Variants in ETFRF1 observed in about 807,000 individuals in gnomAD.
ETFRF1 encodes LYR motif containing 5.
ETFRF1 carries 12 observed loss-of-function variants against 9.0 expected under a neutral mutation model. The ratio of observed to expected loss-of-function variants is 1.34; its 90% CI spans 0.86 to 2.16. ETFRF1 has a LOEUF of 2.16. Among genes scored for constraint, ETFRF1 ranks in the 30% most tolerant of loss-of-function variants. The pLI, the probability that ETFRF1 is intolerant of heterozygous loss-of-function variation, is 0.00. For missense variants in ETFRF1, 98 were observed against 101.8 expected, an observed-to-expected ratio of 0.96 and a Z score of 0.16; for synonymous variants, 34 against 33.2, an observed-to-expected ratio of 1.02 and a Z score of -0.08.
chr12:25,195,436 G>C, intron 1 of ETFRF1, 99 bp downstream of exon 1: 2 of 479,948 alleles, frequency 4.2e-6, no homozygotes, highest in East Asian at 7.9e-5. Flanking sequence ...GGTGTGGGAA[G>C]AGGGTTCTGA....
chr12:25,198,067 C>T (rs373597463), intron 1 of ETFRF1, among the ~76,000 whole-genome samples: 5 of 152,156 alleles, frequency 3.3e-5, no homozygotes, highest in South Asian at 4.1e-4. Flanking sequence ...CACTGAAACA[C>T]GCACCCTGAA....
rs1383893594 is a variant in ETFRF1, at chr12:25,195,325, G to A, written c.-50G>A. 1.2e-5 allele frequency: 7 copies of A among 602,476 alleles called. No individual in the cohort carries two copies. Among genetic ancestry groups the A allele is most frequent in the East Asian group, 2.8e-5 (1 of 36,278 alleles). 37.3% of individuals were successfully genotyped at this position (602,476 alleles called of 1,614,324 possible). ...TAGCGGTCGAGGCTTTTGCGGCTCCGGCGTGCCGGAAAGTGCGTGAGTGCC... is the reference window on the plus strand; with the variant it reads ...TAGCGGTCGAGGCTTTTGCGGCTCCAGCGTGCCGGAAAGTGCGTGAGTGCC... On this transcript the variant is annotated 5_prime_UTR_variant, in exon 1 of 3. Transcript: ENST00000381356.
At chr12:25,200,658 G>A (rs10842505) in intron 1 of ETFRF1, among the ~76,000 whole-genome samples, 74,867 of 152,032 alleles carry the variant, frequency 0.49, 19,371 homozygotes, top group East Asian at 0.8. Flanking sequence ...CTATCAAACA[G>A]ATAGAGGGAG....
At position 25,204,531 on chromosome 12, in the gene ETFRF1, G is replaced by C; in HGVS notation, c.*219G>C. 2.8e-6 allele frequency: 1 copy of C among 361,386 alleles called. No homozygotes were observed. The highest frequency in any genetic ancestry group is 4.9e-6 in the Non-Finnish European group (1 of 204,086). The allele number at this position is 361,386 out of a possible 1,614,324, so 22.4% of individuals were successfully genotyped here. A position where few individuals can be genotyped will look rare whatever the true frequency, so the allele number is the denominator to read the frequency against. The stretch of plus-strand genomic sequence containing the variant: ...AACATAGCAATTTAGCTATACTACC[G>C]ATCATAAATTAATGAGCACCCAATT... On this transcript the variant is annotated 3_prime_UTR_variant, in exon 3 of 3. Transcript: ENST00000381356.
chr12:25,201,966 A>T (rs1404688062), intron 1 of ETFRF1, among the ~76,000 whole-genome samples: 1 of 151,064 alleles, frequency 6.6e-6, no homozygotes, highest in Non-Finnish European at 1.5e-5. Context: ...CACGCCTGTA[A>T]TCCCAGCACT....
At chr12:25,197,342 T>A (rs550056888) in intron 1 of ETFRF1, among the ~76,000 whole-genome samples, 21 of 152,340 alleles carry the variant, frequency 1.4e-4, no homozygotes, top group African/African-American at 5.1e-4. Context: ...AGTTACAAAT[T>A]GTGAATTAAA....
At chr12:25,202,568 A>T (rs1311071823) in intron 1 of ETFRF1, among the ~76,000 whole-genome samples, 1 of 152,040 alleles carries the variant, frequency 6.6e-6, no homozygotes, top group Non-Finnish European at 1.5e-5. Context: ...CAAGAAGGGT[A>T]GGTTGGGGGA....
chr12:25,200,499 A>G (rs558871820), intron 1 of ETFRF1, among the ~76,000 whole-genome samples: 5 of 152,288 alleles, frequency 3.3e-5, no homozygotes, highest in Admixed American at 2.0e-4. Context: ...GTTTCTGGGG[A>G]GAGAGAGAAA....
Position 25,204,018 on chromosome 12 carries a change from A to C in ETFRF1, c.51+11A>C. Reference sequence around the variant, plus strand: ...AAACTTTATAAAAATGTAAGTAATTATGTTGCCAATTTTATAAAAATGTTA... The same window carrying C: ...AAACTTTATAAAAATGTAAGTAATTCTGTTGCCAATTTTATAAAAATGTTA... On this transcript the variant is annotated intron_variant, in intron 2 of 2. Coordinates refer to ENST00000381356, the MANE Select transcript of ETFRF1 (RefSeq NM_001001660.3). 6.6e-7 allele frequency: 1 copy of C among 1,518,460 alleles called. No homozygotes were observed. The highest frequency in any genetic ancestry group is 8.8e-7 in the Non-Finnish European group (1 of 1,133,170). The allele number at this position is 1,518,460 out of a possible 1,614,324, so 94.1% of individuals were successfully genotyped here.
At chr12:25,199,304 TAC>T (rs767471567) in intron 1 of ETFRF1, among the ~76,000 whole-genome samples, 14 of 148,342 alleles carry the variant, frequency 9.4e-5, no homozygotes, top group African/African-American at 2.2e-4. Context: ...TAGTATGTAC[TAC>T]ATAGTACATA....
intron 1 of ETFRF1, 134 bp downstream of exon 1, chr12:25,195,471 T>G (rs1447612106): frequency 1.8e-5 from 7 of 397,896 alleles, no homozygotes; most frequent in South Asian, 2.4e-5. Flanking sequence ...TGACGGTTTA[T>G]TTCCTAGAGT....
intron 1 of ETFRF1, among the ~76,000 whole-genome samples, chr12:25,200,916 A>G (rs1302395002): frequency 1.3e-5 from 2 of 152,238 alleles, no homozygotes; most frequent in Non-Finnish European, 2.9e-5. Context: ...AGCATGACTC[A>G]CATTGATGGC....
At chr12:25,197,674 T>C (rs1216470928) in intron 1 of ETFRF1, among the ~76,000 whole-genome samples, 3 of 152,104 alleles carry the variant, frequency 2.0e-5, no homozygotes, top group Non-Finnish European at 4.4e-5. Context: ...ACTCACTATG[T>C]TGCCCAGGCT....
chr12:25,199,613 T>TACACACACACACAC (rs1190905132), intron 1 of ETFRF1, among the ~76,000 whole-genome samples: 1 of 104,406 alleles, frequency 9.6e-6, no homozygotes, highest in East Asian at 2.3e-4. Flanking sequence ...TACATATATG[T>TACACACACACACAC]ATACATACAC....
intron 1 of ETFRF1, among the ~76,000 whole-genome samples, chr12:25,202,585 G>C (rs138061546): frequency 6.6e-6 from 1 of 152,124 alleles, no homozygotes; most frequent in East Asian, 1.9e-4. Flanking sequence ...GGGAAAGGGG[G>C]AAGAGAAGAC....
In ETFRF1 at chr12:25,204,211, C is replaced by A. The variant is rs760699626; in HGVS notation, c.172C>A (p.Gln58Lys). The A allele has an allele frequency of 1.9e-6, 3 of 1,612,894 alleles. No individual in the cohort carries two copies. In the Admixed American group the frequency reaches 5.0e-5, roughly 27 times the overall value. The change falls in exon 3 of 3, where the codon CAG (glutamine) becomes AAG (lysine). Residue 58 changes from glutamine (Q) to lysine (K), a missense_variant. By Grantham distance (53) the Gln-to-Lys change is moderately conservative. Transcript: ENST00000381356. Reference protein sequence around the residue: ...NPEKIKELIAQGEFVMKELEA... With the variant: ...NPEKIKELIAKGEFVMKELEA... ...AGAGAAGATCAAAGAACTTATTGCA[C>A]AGGGCGAATTTGTAATGAAAGAGCT...
At chr12:25,202,455 C>A (rs1951082422) in intron 1 of ETFRF1, among the ~76,000 whole-genome samples, 1 of 151,736 alleles carries the variant, frequency 6.6e-6, no homozygotes, top group Admixed American at 6.6e-5. Flanking sequence ...AGGAGGGCAT[C>A]CTATTAGGGT....
chr12:25,203,708 G>A, intron 1 of ETFRF1: 1 of 345,558 alleles, frequency 2.9e-6, no homozygotes, highest in South Asian at 7.4e-5. Context: ...AATTGTCTTT[G>A]CTTATGTCTC....
chr12:25,199,131 CATAT>C (rs778186862), intron 1 of ETFRF1, among the ~76,000 whole-genome samples: 1 of 151,224 alleles, frequency 6.6e-6, no homozygotes, highest in Non-Finnish European at 1.5e-5. Context: ...AAATTTGGTT[CATAT>C]ATATACACAT....
Sources: allele counts gnomAD v4.1 joint callset (sites outside exome capture counted in the v4.1 genomes callset), GRCh38; gene constraint gnomAD v4.1.1; transcripts MANE v1.5; gene names NCBI Gene and HGNC (gene_info 2026-07-23, HGNC 2026-07-21).